The following ELAPOR2 variants were observed in gnomAD, a reference collection of about 807,000 sequenced individuals.
The protein encoded by ELAPOR2 is endosome-lysosome associated apoptosis and autophagy regulator family member 2.
In ELAPOR2, 89 loss-of-function variants were observed where a neutral mutation model predicts 120.7. The observed-to-expected ratio is 0.74, with a 90% CI of 0.62 to 0.88. The LOEUF is 0.88. Ranked by LOEUF, ELAPOR2 falls within the 40% of genes least tolerant of loss-of-function variation. The pLI, the probability that ELAPOR2 is intolerant of heterozygous loss-of-function variation, is 0.00. For missense variants in ELAPOR2, 1,134 were observed against 1,251.6 expected (o/e 0.91, Z 1.42); for synonymous variants, 444 against 444.9 (o/e 1.00, Z 0.03).
rs538411603 is a variant in ELAPOR2, at chr7:86,912,051, A to T, written c.2169+21T>A. ...CGGAGCTGAAATATAGGTCCATCTC[A>T]CCTTGACAGCCAGAACTCACCTCAT... is the stretch of plus-strand genomic sequence containing the variant. On this transcript the variant is annotated intron_variant, in intron 15 of 21. Coordinates refer to ENST00000450689, the MANE Select transcript of ELAPOR2 (RefSeq NM_001142749.3). 28 of 1,590,870 alleles carry T rather than the reference A, an allele frequency of 1.8e-5. No individual in the cohort carries two copies. The East Asian group carries it at 4.5e-4, about 26-fold the overall frequency.
At chr7:87,014,027 C>CTTTTTTTTT (rs35583728) in intron 1 of ELAPOR2, among the ~76,000 whole-genome samples, 1 of 122,430 alleles carries the variant, frequency 8.2e-6, no homozygotes, top group Non-Finnish European at 1.7e-5. Flanking sequence ...ATGTTTTTCA[C>CTTTTTTTTT]TTTTTTTTTT....
intron 8 of ELAPOR2, among the ~76,000 whole-genome samples, chr7:86,933,294 C>T (rs1790411600): frequency 6.6e-6 from 1 of 151,806 alleles, no homozygotes; most frequent in Non-Finnish European, 1.5e-5. Context: ...GTCAAATATC[C>T]TGCTAACATT....
intron 21 of ELAPOR2, among the ~76,000 whole-genome samples, chr7:86,886,323 G>T (rs1363377116): frequency 6.6e-6 from 1 of 152,112 alleles, no homozygotes; most frequent in Non-Finnish European, 1.5e-5. Flanking sequence ...CTACAAAATA[G>T]TATCCTTTGA....
At chr7:86,933,680 T>C (rs1356043727) in intron 8 of ELAPOR2, among the ~76,000 whole-genome samples, 4 of 152,032 alleles carry the variant, frequency 2.6e-5, no homozygotes, top group African/African-American at 7.2e-5. Flanking sequence ...TTGCTTTTCA[T>C]GTCCAACCCC....
At chr7:86,933,174 T>G (rs1790407027) in intron 8 of ELAPOR2, among the ~76,000 whole-genome samples, 1 of 144,902 alleles carries the variant, frequency 6.9e-6, no homozygotes, top group African/African-American at 2.7e-5. Context: ...TATTGATTTA[T>G]CAAATCAAAC....
At chr7:86,924,374 TACACACACACACAC>T (rs3057442) in intron 10 of ELAPOR2, among the ~76,000 whole-genome samples, 1 of 145,238 alleles carries the variant, frequency 6.9e-6, no homozygotes, top group Admixed American at 6.9e-5. Context: ...AGTAAGTGAA[TACACACACACACAC>T]ACACACACAC....
chr7:87,022,974 A>G (rs950790436), intron 1 of ELAPOR2, among the ~76,000 whole-genome samples: 2 of 152,126 alleles, frequency 1.3e-5, no homozygotes, highest in African/African-American at 4.8e-5. Flanking sequence ...TCTGGATATT[A>G]ACCCTTTGTC....
At chr7:86,937,807 A>G (rs1176526359) in intron 8 of ELAPOR2, among the ~76,000 whole-genome samples, 1 of 152,096 alleles carries the variant, frequency 6.6e-6, no homozygotes, top group Non-Finnish European at 1.5e-5. Flanking sequence ...ACTATGTGAC[A>G]GGCACTGGGC....
At chr7:86,948,042 T>C in intron 2 of ELAPOR2, 120 bp from the exon 3 acceptor site, 1 of 684,994 alleles carries the variant, frequency 1.5e-6, no homozygotes, top group Non-Finnish European at 2.4e-6. Flanking sequence ...ACGAAAGCCT[T>C]TCAAATTCCT....
chr7:87,043,679 G>T (rs575105838), intron 1 of ELAPOR2, among the ~76,000 whole-genome samples: 6 of 149,162 alleles, frequency 4.0e-5, no homozygotes, highest in Non-Finnish European at 7.4e-5. Context: ...AAAACTGGAA[G>T]CATTCCCTTT....
chr7:86,924,066 C>T (rs922696186), intron 10 of ELAPOR2, among the ~76,000 whole-genome samples: 2 of 152,046 alleles, frequency 1.3e-5, no homozygotes, highest in Non-Finnish European at 2.9e-5. Flanking sequence ...ATTTCACCCT[C>T]GTTCTTGTGA....
At chr7:87,058,443 T>C (rs562394844) in intron 1 of ELAPOR2, among the ~76,000 whole-genome samples, 23 of 152,256 alleles carry the variant, frequency 1.5e-4, no homozygotes, top group African/African-American at 4.1e-4. Context: ...CTTCCCCTCA[T>C]TGATTTTCAT....
chr7:86,947,302 G>C (rs560690858), intron 3 of ELAPOR2, among the ~76,000 whole-genome samples: 1 of 152,176 alleles, frequency 6.6e-6, no homozygotes, highest in East Asian at 1.9e-4. Flanking sequence ...TTAAGCAAAG[G>C]CGCTTTCCAC....
At chr7:86,955,064 A>G (rs1271527524) in intron 2 of ELAPOR2, among the ~76,000 whole-genome samples, 2 of 152,120 alleles carry the variant, frequency 1.3e-5, no homozygotes, top group African/African-American at 4.8e-5. Context: ...ATTTATTATC[A>G]TTCTTTTCAC....
chr7:87,038,374 A>G (rs1037854461), intron 1 of ELAPOR2, among the ~76,000 whole-genome samples: 10 of 152,226 alleles, frequency 6.6e-5, no homozygotes, highest in African/African-American at 2.4e-4. Flanking sequence ...CACAGATAAG[A>G]AAAAGTCTAG....
chr7:87,041,068 G>C (rs1401749351), intron 1 of ELAPOR2, among the ~76,000 whole-genome samples: 3 of 151,984 alleles, frequency 2.0e-5, no homozygotes, highest in Non-Finnish European at 2.9e-5. Context: ...AGAGAAAAAA[G>C]AATAAAAAGA....
intron 3 of ELAPOR2, among the ~76,000 whole-genome samples, chr7:86,946,901 A>T (rs1444448174): frequency 6.6e-6 from 1 of 152,194 alleles, no homozygotes; most frequent in Non-Finnish European, 1.5e-5. Flanking sequence ...ACACTCTCTC[A>T]AGGAAATAAT....
intron 1 of ELAPOR2, among the ~76,000 whole-genome samples, chr7:87,040,529 T>C (rs1208192082): frequency 6.6e-6 from 1 of 152,070 alleles, no homozygotes. Flanking sequence ...TGCAGGGTAT[T>C]CCAACAGACC....
At chr7:86,911,551 T>C (rs892697938) in intron 15 of ELAPOR2, 4 of 449,248 alleles carry the variant, frequency 8.9e-6, no homozygotes, top group Non-Finnish European at 1.8e-5. Context: ...CCTCTCCCCA[T>C]TGCCAGTATC....
Sources: gnomAD v4.1 joint callset for allele counts (sites outside exome capture counted in the v4.1 genomes callset) on GRCh38, gnomAD v4.1.1 for gene constraint, MANE v1.5 for transcripts, NCBI Gene and HGNC (gene_info 2026-07-23, HGNC 2026-07-21) for gene names.